The following MTHFD1L variants were observed in gnomAD, a reference collection of about 807,000 sequenced individuals.
MTHFD1L encodes monofunctional C1-tetrahydrofolate synthase, mitochondrial.
MTHFD1L carries 81 observed loss-of-function variants against 119.5 expected under a neutral mutation model. The observed-to-expected ratio is 0.68, with a 90% CI of 0.57 to 0.82. The LOEUF is 0.82. Among genes scored for constraint, MTHFD1L ranks in the 40% least tolerant of loss-of-function variants. The pLI, the probability that MTHFD1L is intolerant of heterozygous loss-of-function variation, is 0.00. For missense variants in MTHFD1L, 1,125 were observed against 1,253.4 expected (o/e 0.90, Z 1.55); for synonymous variants, 430 against 475.2 (o/e 0.90, Z 1.24).
rs576590191 is a variant in MTHFD1L at position 151,014,762 on chromosome 6, G to A, written c.2308-118G>A. The A allele has an allele frequency of 4.6e-5, 31 of 674,858 alleles. No individual in the cohort carries two copies. The South Asian group carries it at 5.6e-4, about 12-fold the overall frequency. The allele number at this position is 674,858 out of a possible 1,614,324, so 41.8% of individuals were successfully genotyped here. On this transcript the variant is annotated intron_variant, in intron 22 of 27. Coordinates refer to ENST00000367321, the MANE Select transcript of MTHFD1L (RefSeq NM_015440.5). Reference sequence around the variant, plus strand: ...TATTCTTGCAGCCATCTTTCTTGGAGGAAAAAGTGAAAAAAGATGTAGCAA... The same window carrying A: ...TATTCTTGCAGCCATCTTTCTTGGAAGAAAAAGTGAAAAAAGATGTAGCAA...
At position 151,099,735 on chromosome 6, in the gene MTHFD1L, G is replaced by A. The variant is rs1228476776; in HGVS notation, c.*32-1791G>A. On this transcript the variant is annotated intron_variant, in intron 27 of 27. Transcript: ENST00000367321. ...GCAACAAAAAAACAAAGCACATGCT[G>A]CCCAGTGGCTTCCGGAAGTTCCTGG... 5 of 1,610,514 alleles carry A rather than the reference G, an allele frequency of 3.1e-6. No homozygotes were observed. In the East Asian group the frequency reaches 8.9e-5, roughly 29 times the overall value.
At chr6:150,931,289 TTTC>T (rs1790999741) in intron 11 of MTHFD1L, among the ~76,000 whole-genome samples, 1 of 122,068 alleles carries the variant, frequency 8.2e-6, no homozygotes, top group African/African-American at 3.5e-5. Context: ...TTTTTTTTTT[TTTC>T]TGCAGAGGGC....
chr6:151,051,138 G>C (rs1788959480), intron 26 of MTHFD1L, among the ~76,000 whole-genome samples: 1 of 152,142 alleles, frequency 6.6e-6, no homozygotes, highest in Admixed American at 6.5e-5. Context: ...TTAAGCTCAG[G>C]TGTTATTGAA....
chr6:150,885,901 A>G (rs919735128), intron 6 of MTHFD1L, among the ~76,000 whole-genome samples, 167 bp downstream of exon 6: 1 of 152,210 alleles, frequency 6.6e-6, no homozygotes, highest in Admixed American at 6.5e-5. Context: ...GTGATATTTC[A>G]CGTTGACTTT....
At chr6:151,046,070 C>A (rs73622405) in intron 26 of MTHFD1L, among the ~76,000 whole-genome samples, 3,707 of 152,172 alleles carry the variant, frequency 0.024, 161 homozygotes, top group African/African-American at 0.084. Flanking sequence ...TTATCTAGGT[C>A]CAATCCATTT....
chr6:151,014,863 T>C lies in MTHFD1L; in HGVS notation c.2308-17T>C. On this transcript the variant is annotated splice_polypyrimidine_tract_variant and intron_variant, in intron 22 of 27. Transcript: ENST00000367321. ...CAATACACAGGGGTCTGGGTTTTGC[T>C]TTTTTCTTTTTTACAGAACATCCAG... 1.9e-6 allele frequency: 3 copies of C among 1,611,984 alleles called. No individual in the cohort carries two copies. The highest frequency in any genetic ancestry group is 2.2e-5 in the South Asian group (2 of 90,778).
At chr6:150,905,021 A>C (rs371027521) in intron 7 of MTHFD1L, among the ~76,000 whole-genome samples, 3 of 145,330 alleles carry the variant, frequency 2.1e-5, no homozygotes, top group African/African-American at 7.6e-5. Context: ...TCATGGCCTT[A>C]GCCCTTGTTT....
intron 24 of MTHFD1L, among the ~76,000 whole-genome samples, chr6:151,016,592 A>C (rs1783099917): frequency 6.6e-6 from 1 of 150,620 alleles, no homozygotes; most frequent in Admixed American, 6.6e-5. Flanking sequence ...AAGTGCTGGG[A>C]TTATAGGCAT....
At chr6:150,871,886 A>ATTTTTTTTTTTTTTT (rs985548250) in intron 1 of MTHFD1L, among the ~76,000 whole-genome samples, 2 of 147,534 alleles carry the variant, frequency 1.4e-5, no homozygotes, top group African/African-American at 5.0e-5. Context: ...ATTTTATTTT[A>ATTTTTTTTTTTTTTT]TTTTATTTTT....
intron 20 of MTHFD1L, among the ~76,000 whole-genome samples, chr6:150,992,530 T>C (rs561420789): frequency 6.6e-6 from 1 of 152,322 alleles, no homozygotes; most frequent in African/African-American, 2.4e-5. Context: ...GTAATCATGG[T>C]AAAATGTTAA....
chr6:151,018,396 C>G (rs1783456709), intron 24 of MTHFD1L, among the ~76,000 whole-genome samples: 1 of 152,216 alleles, frequency 6.6e-6, no homozygotes, highest in African/African-American at 2.4e-5. Context: ...AATATTACCA[C>G]AGCTCTCGCT....
At chr6:150,991,690 G>T (rs969127103) in intron 20 of MTHFD1L, among the ~76,000 whole-genome samples, 10 of 152,180 alleles carry the variant, frequency 6.6e-5, no homozygotes, top group South Asian at 2.1e-4. Context: ...TCAGCAGATT[G>T]TGGGCATAGT....
intron 4 of MTHFD1L, among the ~76,000 whole-genome samples, chr6:150,881,870 G>A (rs960639218): frequency 1.1e-4 from 16 of 152,062 alleles, no homozygotes; most frequent in Non-Finnish European, 2.1e-4. Context: ...TTCTGATTTT[G>A]TACCTCAAAT....
intron 24 of MTHFD1L, among the ~76,000 whole-genome samples, chr6:151,031,524 AGGTGGCTTTTG>A (rs1785336904): frequency 6.6e-6 from 1 of 152,220 alleles, no homozygotes; most frequent in African/African-American, 2.4e-5. Context: ...TTCGTGGAGG[AGGTGGCTTTTG>A]GGATAGATCT....
chr6:150,977,665 C>G (rs1776778192), intron 20 of MTHFD1L, among the ~76,000 whole-genome samples: 1 of 152,124 alleles, frequency 6.6e-6, no homozygotes, highest in South Asian at 2.1e-4. Flanking sequence ...CAAACTTACC[C>G]ATTAACTTAG....
intron 26 of MTHFD1L, among the ~76,000 whole-genome samples, chr6:151,047,091 T>C (rs1197514373): frequency 6.6e-6 from 1 of 152,188 alleles, no homozygotes; most frequent in African/African-American, 2.4e-5. Flanking sequence ...CCTCACTTAA[T>C]GTCATTGATA....
At chr6:150,930,990 A>G (rs1790938805) in intron 11 of MTHFD1L, among the ~76,000 whole-genome samples, 1 of 152,242 alleles carries the variant, frequency 6.6e-6, no homozygotes, top group African/African-American at 2.4e-5. Context: ...GGAATTGTTC[A>G]GGGAAATATG....
rs1443645672 is a variant in MTHFD1L at position 151,039,683 on chromosome 6, G to A, written c.2847+2566G>A. Reference sequence around the variant, plus strand: ...TGTAATCCCAGCACTTTGGGAGGCCGAGGCGGGCGGATCACAAGGTCAGGA... The same window carrying A: ...TGTAATCCCAGCACTTTGGGAGGCCAAGGCGGGCGGATCACAAGGTCAGGA... On this transcript the variant is annotated intron_variant, in intron 26 of 27. Coordinates refer to ENST00000367321, the MANE Select transcript of MTHFD1L (RefSeq NM_015440.5). This position sits in a 1 kb window ranked among gnomAD's most constrained non-coding sequence, Gnocchi z 4.4. Among the ~76,000 whole-genome samples the A allele has an allele frequency of 3.9e-5, 6 of 152,306 alleles. No homozygotes were observed. The highest frequency in any genetic ancestry group is 6.5e-5 in the Admixed American group (1 of 15,310).
At chr6:150,944,429 C>G in intron 13 of MTHFD1L, 57 bp from the exon 14 acceptor site, 2 of 1,349,444 alleles carry the variant, frequency 1.5e-6, no homozygotes, top group Non-Finnish European at 2.1e-6. Flanking sequence ...GCCTGGGCAA[C>G]AAAGCGAGAC....
Sources: allele counts gnomAD v4.1 joint callset (sites outside exome capture counted in the v4.1 genomes callset), GRCh38; gene constraint gnomAD v4.1.1; non-coding constraint Gnocchi (gnomAD v3.1); transcripts MANE v1.5; gene names NCBI Gene and HGNC (gene_info 2026-07-23, HGNC 2026-07-21).